Variants in SDK1 observed in about 807,000 individuals in gnomAD.
SDK1 encodes sidekick cell adhesion molecule 1, also known as protein sidekick-1.
SDK1 carries 157 observed loss-of-function variants against 245.5 expected under a neutral mutation model. The ratio of observed to expected loss-of-function variants is 0.64; its 90% CI spans 0.56 to 0.73. The LOEUF (loss-of-function observed/expected upper bound fraction) is 0.73. Ranked by LOEUF, SDK1 falls within the 30% of genes least tolerant of loss-of-function variation. The pLI is 0.00. For synonymous variants in SDK1, 1,647 were observed against 1,278.5 expected (o/e 1.29, Z -6.15); for missense variants, 3,583 against 3,002.3 (o/e 1.19, Z -4.52).
chr7:3,401,594 C>T (rs1005689202), intron 1 of SDK1, among the ~76,000 whole-genome samples: 5 of 152,168 alleles, frequency 3.3e-5, no homozygotes, highest in Admixed American at 6.5e-5. Flanking sequence ...ATATACTGAG[C>T]CAGCCGTAGT....
intron 20 of SDK1, among the ~76,000 whole-genome samples, chr7:4,069,996 T>C (rs923232857): frequency 6.6e-6 from 1 of 152,154 alleles, no homozygotes; most frequent in African/African-American, 2.4e-5. Flanking sequence ...GATGCTCACT[T>C]TCCCCATCCA....
At chr7:3,912,446 G>A (rs1490351109) in intron 5 of SDK1, among the ~76,000 whole-genome samples, 1 of 152,236 alleles carries the variant, frequency 6.6e-6, no homozygotes, top group African/African-American at 2.4e-5. Context: ...GTGCCACAGA[G>A]TGTGGTTCAA....
chr7:3,906,638 T>C lies in SDK1; in HGVS notation c.848-44285T>C, dbSNP rs1283074122. On this transcript the variant is annotated intron_variant, in intron 5 of 44. Coordinates refer to ENST00000404826, the MANE Select transcript of SDK1 (RefSeq NM_152744.4). ...GTGTCTTTTTTTTTTTTTTTTTTTT[T>C]TTTTTTTGAGACAGAGTCTTGTTCT... 2.1e-5 allele frequency among the ~76,000 whole-genome samples: 3 copies of C among 139,936 alleles called. No individual in the cohort carries two copies. The East Asian group carries it at 6.2e-4, about 29-fold the overall frequency. The allele number at this position is 139,936 out of a possible 152,430, so 91.8% of individuals were successfully genotyped here.
chr7:3,665,745 A>G (rs747937590), intron 4 of SDK1, among the ~76,000 whole-genome samples: 2 of 152,188 alleles, frequency 1.3e-5, no homozygotes. Flanking sequence ...TGCCATCTGC[A>G]GTCTTTGTTT....
rs552821616 is a variant in SDK1 at position 3,660,578 on chromosome 7, G to A, written c.713+18473G>A. ...ATAATGGGCTCAGCTCCGCAGCCAG[G>A]TTGAAAAAAGGTCCTGTTTCACGCC... On this transcript the variant is annotated intron_variant, in intron 4 of 44. Coordinates refer to ENST00000404826, the MANE Select transcript of SDK1 (RefSeq NM_152744.4). Among the ~76,000 whole-genome samples, 4 of 152,202 alleles carry A rather than the reference G, an allele frequency of 2.6e-5. No individual in the cohort carries two copies. The South Asian group carries it at 8.3e-4, about 32-fold the overall frequency.
intron 44 of SDK1, among the ~76,000 whole-genome samples, chr7:4,259,972 C>G (rs548579498): frequency 2.0e-5 from 3 of 152,346 alleles, no homozygotes; most frequent in Admixed American, 2.0e-4. Context: ...GATCCTCAGC[C>G]AGTTGCAGAG....
intron 4 of SDK1, among the ~76,000 whole-genome samples, chr7:3,683,249 A>G (rs887519864): frequency 2.0e-5 from 3 of 152,150 alleles, no homozygotes; most frequent in Admixed American, 2.0e-4. Context: ...ATGCTTCCCC[A>G]ATGTTGATAA....
intron 17 of SDK1, among the ~76,000 whole-genome samples, chr7:4,035,707 A>G (rs1234985526): frequency 2.0e-5 from 3 of 152,228 alleles, no homozygotes; most frequent in Non-Finnish European, 4.4e-5. Context: ...ACAGAAAAAT[A>G]GCAAGTTTCT....
intron 1 of SDK1, among the ~76,000 whole-genome samples, chr7:3,334,245 C>T (rs192902397): frequency 1.3e-5 from 2 of 152,328 alleles, no homozygotes; most frequent in Admixed American, 6.5e-5. Flanking sequence ...ATAGCTGGCT[C>T]TTCAAGATTG....
At chr7:3,364,305 A>C (rs1781030693) in intron 1 of SDK1, among the ~76,000 whole-genome samples, 1 of 152,130 alleles carries the variant, frequency 6.6e-6, no homozygotes, top group East Asian at 1.9e-4. Flanking sequence ...CAGATTGATA[A>C]GTTTTTTCTT....
At position 3,886,681 on chromosome 7, in the gene SDK1, G is replaced by A. The variant is rs186966094; in HGVS notation, c.848-64242G>A. ...TGTAGTCCCAGCATTTTGGGAGGCT[G>A]GGGCAAGAGGATTACTTAAAGCTAC... On this transcript the variant is annotated intron_variant, in intron 5 of 44. Coordinates refer to ENST00000404826, the MANE Select transcript of SDK1 (RefSeq NM_152744.4). Among the ~76,000 whole-genome samples the A allele has an allele frequency of 3.6e-3, 547 of 152,316 alleles. 13 individuals are homozygous for A. Among genetic ancestry groups the A allele is most frequent in the Admixed American group, 0.034 (514 of 15,302 alleles).
rs373309442 is a variant in SDK1 at position 4,157,783 on chromosome 7, G to C, written c.4626-665G>C. ...ATGCCTCCTCTCCCAGAGCTCGTGT[G>C]AGTTCAAAGGGGTTGCACTTGCCAA... On this transcript the variant is annotated intron_variant, in intron 30 of 44. Coordinates refer to ENST00000404826, the MANE Select transcript of SDK1 (RefSeq NM_152744.4). Among the ~76,000 whole-genome samples the C allele has an allele frequency of 2.2e-3, 332 of 152,280 alleles. 13 individuals are homozygous for C. In the South Asian group the frequency reaches 0.064, roughly 30 times the overall value.
chr7:3,780,026 C>T (rs1016129152), intron 4 of SDK1, among the ~76,000 whole-genome samples: 1 of 152,188 alleles, frequency 6.6e-6, no homozygotes, highest in African/African-American at 2.4e-5. Flanking sequence ...CCCCTGACCC[C>T]CACACACCAA....
intron 1 of SDK1, among the ~76,000 whole-genome samples, chr7:3,328,849 T>C (rs1258345897): frequency 6.6e-6 from 1 of 152,098 alleles, no homozygotes; most frequent in Non-Finnish European, 1.5e-5. Context: ...GGTTGTCTTT[T>C]TTGTTTGTTT....
chr7:3,847,869 C>G (rs561370600), intron 5 of SDK1, among the ~76,000 whole-genome samples: 1 of 152,206 alleles, frequency 6.6e-6, no homozygotes, highest in Non-Finnish European at 1.5e-5. Flanking sequence ...TTTTCTTTGA[C>G]AGTTGGAGGT....
chr7:4,198,694 T>C (rs1398651248), intron 35 of SDK1, among the ~76,000 whole-genome samples: 1 of 152,192 alleles, frequency 6.6e-6, no homozygotes, highest in Admixed American at 6.5e-5. Context: ...GACTCCCACC[T>C]TAGAGAAGCA....
chr7:4,048,390 C>T (rs1439516525), intron 17 of SDK1, among the ~76,000 whole-genome samples: 1 of 152,152 alleles, frequency 6.6e-6, no homozygotes, highest in African/African-American at 2.4e-5. Flanking sequence ...GCCTTCAGTT[C>T]CCCATTGCCT....
At chr7:4,039,692 C>T (rs1788470842) in intron 17 of SDK1, among the ~76,000 whole-genome samples, 1 of 152,208 alleles carries the variant, frequency 6.6e-6, no homozygotes, top group East Asian at 1.9e-4. Context: ...ACCCTACAGT[C>T]CTCTTTACTG....
At chr7:3,325,236 A>G (rs957971587) in intron 1 of SDK1, among the ~76,000 whole-genome samples, 3 of 152,096 alleles carry the variant, frequency 2.0e-5, no homozygotes, top group Non-Finnish European at 4.4e-5. Flanking sequence ...AGGATTCGTG[A>G]TCTGAGCATT....
Sources: gnomAD v4.1 joint callset for allele counts (sites outside exome capture counted in the v4.1 genomes callset) on GRCh38, gnomAD v4.1.1 for gene constraint, MANE v1.5 for transcripts, NCBI Gene and HGNC (gene_info 2026-07-23, HGNC 2026-07-21) for gene names.